The following GLMN variants were observed in gnomAD, a reference collection of about 807,000 sequenced individuals.
GLMN encodes the protein glomulin.
GLMN carries 75 observed loss-of-function variants against 87.8 expected under a neutral mutation model. The observed-to-expected ratio is 0.85, with a 90% CI of 0.71 to 1.04. The LOEUF (loss-of-function observed/expected upper bound fraction) is 1.04. Ranked by LOEUF, GLMN falls within the 50% of genes least tolerant of loss-of-function variation. The pLI is 0.00. For synonymous variants in GLMN, 206 were observed against 221.6 expected (o/e 0.93, Z 0.63); for missense variants, 588 against 658.8 (o/e 0.89, Z 1.18).
chr1:92,290,282 A>T lies in GLMN; in HGVS notation c.310T>A (p.Leu104Met). The T allele has an allele frequency of 6.2e-7, 1 of 1,600,594 alleles. No individual in the cohort carries two copies. Among genetic ancestry groups the T allele is most frequent in the Non-Finnish European group, 8.6e-7 (1 of 1,167,964 alleles). Residue 104 changes from leucine (L) to methionine (M), a missense_variant, in exon 5 of 19, where the codon TTG becomes ATG. Transcript: ENST00000370360. The stretch of plus-strand genomic sequence containing the variant: ...TCTTCAATCAGTTCAAGCAAACCCA[A>T]CAATAATTCCTTTGGATTGCATAAC... ...VKLCNPKELL[L>M]GLLELIEEPS...
the GLMN span, among the ~76,000 whole-genome samples, chr1:92,306,307 G>A: frequency 1.3e-5 from 2 of 152,184 alleles, no homozygotes; most frequent in Non-Finnish European, 2.9e-5. Context: ...ACAACAGTGT[G>A]AAGGTACTTA....
chr1:92,329,008 G>A, the GLMN span, among the ~76,000 whole-genome samples: 1 of 152,370 alleles, frequency 6.6e-6, no homozygotes, highest in East Asian at 1.9e-4. Context: ...GTCTTCAGCT[G>A]TGGATACCAG....
the GLMN span, among the ~76,000 whole-genome samples, chr1:92,365,035 A>G: frequency 2.5e-4 from 38 of 152,164 alleles, no homozygotes; most frequent in African/African-American, 8.5e-4. Flanking sequence ...ATCATCTTCA[A>G]TAGGACTTGA....
the GLMN span, among the ~76,000 whole-genome samples, chr1:92,310,788 T>G: frequency 0.041 from 6,255 of 152,030 alleles, 458 homozygotes; most frequent in African/African-American, 0.14. Context: ...CCCCAGCTAC[T>G]TGGGAGGCTG....
upstream of GLMN, among the ~76,000 whole-genome samples, chr1:92,303,613 T>C (rs1258723467): frequency 6.6e-6 from 1 of 152,212 alleles, no homozygotes; most frequent in African/African-American, 2.4e-5. Flanking sequence ...ATTTAGTTAA[T>C]TTTTTAAATA....
chr1:92,324,153 C>T, the GLMN span: 24 of 1,613,984 alleles, frequency 1.5e-5, 1 homozygote, highest in Admixed American at 4.0e-4. Context: ...ATGAAGATGA[C>T]ATAATCTCAG....
rs1049900131 is a variant in GLMN, at chr1:92,269,805, A to ATG, written c.924-30_924-29insCA. ...AAATAGAAACAAAACAAATATATAT[A>ATG]TTATACACACACACAGAGATATGTA... On this transcript the variant is annotated intron_variant, in intron 8 of 18. Transcript: ENST00000370360. The ATG allele has an allele frequency of 3.1e-6, 4 of 1,305,476 alleles. No homozygotes were observed. In the African/African-American group the frequency reaches 4.4e-5, roughly 14 times the overall value. 80.9% of individuals were successfully genotyped at this position (1,305,476 alleles called of 1,614,324 possible).
chr1:92,300,923 A>C (rs191245810), upstream of GLMN, among the ~76,000 whole-genome samples: 392 of 152,360 alleles, frequency 2.6e-3, no homozygotes, highest in African/African-American at 9.1e-3. Flanking sequence ...GTTAATTAAC[A>C]TAAACAAATA....
chr1:92,277,628 T>A (rs1647440602), intron 7 of GLMN, among the ~76,000 whole-genome samples: 1 of 152,100 alleles, frequency 6.6e-6, no homozygotes, highest in Non-Finnish European at 1.5e-5. Flanking sequence ...ATGTAATCAA[T>A]CATTCCTACA....
chr1:92,270,196 G>C (rs1656098077), intron 8 of GLMN, among the ~76,000 whole-genome samples: 1 of 152,204 alleles, frequency 6.6e-6, no homozygotes, highest in Non-Finnish European at 1.5e-5. Context: ...AGAACTATGA[G>C]ACAAACTATT....
At chr1:92,328,888 G>T in the GLMN span, among the ~76,000 whole-genome samples, 1 of 152,186 alleles carries the variant, frequency 6.6e-6, no homozygotes, top group East Asian at 1.9e-4. Context: ...CTTCCTGAGA[G>T]CCAAACTGCA....
At chr1:92,248,185 C>G in intron 16 of GLMN, 196 bp from the exon 17 acceptor site, 1 of 524,696 alleles carries the variant, frequency 1.9e-6, no homozygotes, top group African/African-American at 1.9e-5. Context: ...TGGGGCACTA[C>G]GCTTATCACT....
the GLMN span, among the ~76,000 whole-genome samples, chr1:92,351,542 C>A: frequency 6.6e-6 from 1 of 152,090 alleles, no homozygotes; most frequent in Non-Finnish European, 1.5e-5. Context: ...TAGGACACAT[C>A]GCTCAGCTTC....
chr1:92,286,944 T>A (rs1391525130), intron 6 of GLMN, among the ~76,000 whole-genome samples: 2 of 152,234 alleles, frequency 1.3e-5, no homozygotes, highest in African/African-American at 4.8e-5. Flanking sequence ...TGTGAACCAA[T>A]GAATTTCTGT....
At chr1:92,327,000 G>A in the GLMN span, among the ~76,000 whole-genome samples, 4 of 152,216 alleles carry the variant, frequency 2.6e-5, no homozygotes, top group Non-Finnish European at 4.4e-5. Flanking sequence ...TTGTTACAAA[G>A]TTCAGCTGGC....
intron 16 of GLMN, among the ~76,000 whole-genome samples, chr1:92,251,985 A>G (rs1016087671): frequency 3.3e-5 from 5 of 151,778 alleles, no homozygotes; most frequent in African/African-American, 9.7e-5. Flanking sequence ...TTTAGTAGAG[A>G]TGGGGTTTCG....
At chr1:92,248,014 ATTTAG>A in intron 16 of GLMN, 25 bp from the exon 17 acceptor site, 1 of 917,878 alleles carries the variant, frequency 1.1e-6, no homozygotes, top group Non-Finnish European at 1.8e-6. Context: ...AGAATGAGTT[ATTTAG>A]TTCAACAATG....
chr1:92,317,573 A>G, the GLMN span, among the ~76,000 whole-genome samples: 5 of 152,206 alleles, frequency 3.3e-5, no homozygotes, highest in Non-Finnish European at 7.3e-5. Flanking sequence ...GTGTAAAACC[A>G]TCTAGCAGAC....
At chr1:92,310,238 A>G in the GLMN span, among the ~76,000 whole-genome samples, 4 of 152,112 alleles carry the variant, frequency 2.6e-5, no homozygotes, top group East Asian at 1.9e-4. Context: ...TTAATTTCCA[A>G]ATTCTTAGGG....
Sources: gnomAD v4.1 joint callset for allele counts (sites outside exome capture counted in the v4.1 genomes callset) on GRCh38, gnomAD v4.1.1 for gene constraint, MANE v1.5 for transcripts, NCBI Gene and HGNC (gene_info 2026-07-23, HGNC 2026-07-21) for gene names.